The following CCDC33 variants were observed in gnomAD, a reference collection of about 807,000 sequenced individuals.
CCDC33 encodes the protein coiled-coil domain containing 33, also known as coiled-coil domain-containing protein 33.
CCDC33 carries 94 observed loss-of-function variants against 91.9 expected under a neutral mutation model. The observed-to-expected ratio is 1.02, with a 90% CI of 0.87 to 1.21. CCDC33 has a LOEUF of 1.21. Ranked by LOEUF, CCDC33 falls within the 50% of genes most tolerant of loss-of-function variation. The probability of loss-of-function intolerance (pLI) is 0.00; values close to 1 mark genes in which losing one functional copy is unlikely to be tolerated. For synonymous variants in CCDC33, 396 were observed against 374.5 expected, an observed-to-expected ratio of 1.06 and a Z score of -0.66; for missense variants, 940 against 935.5, an observed-to-expected ratio of 1.00 and a Z score of -0.06.
At chr15:74,208,025 C>T in intron 1 of CCDC33, 1 of 1,367,616 alleles carries the variant, frequency 7.3e-7, no homozygotes, top group East Asian at 2.9e-5. Context: ...AATTCTCATG[C>T]CCCCCTCACC....
At chr15:74,208,651 T>A (rs1212143196) in intron 1 of CCDC33, 13 of 952,074 alleles carry the variant, frequency 1.4e-5, no homozygotes, top group Middle Eastern at 5.3e-4. Context: ...AACTTACTCA[T>A]CAGAATTGCT....
At chr15:74,223,774 G>GCGCA (rs2074693980) in intron 2 of CCDC33, among the ~76,000 whole-genome samples, 1 of 145,506 alleles carries the variant, frequency 6.9e-6, no homozygotes, top group Non-Finnish European at 1.5e-5. Context: ...ACGCAAGCAT[G>GCGCA]CACACACACA....
At chr15:74,203,820 G>A (rs757028324) in intron 1 of CCDC33, among the ~76,000 whole-genome samples, 4 of 152,102 alleles carry the variant, frequency 2.6e-5, no homozygotes, top group Non-Finnish European at 5.9e-5. Flanking sequence ...GGGGATGGGG[G>A]GAGATTCCTG....
At chr15:74,279,021 CTT>C (rs1167716919) in intron 7 of CCDC33, among the ~76,000 whole-genome samples, 1 of 152,198 alleles carries the variant, frequency 6.6e-6, no homozygotes, top group African/African-American at 2.4e-5. Flanking sequence ...TCATGTCTAA[CTT>C]GGCATCTGTG....
chr15:74,211,163 A>G (rs868260315), intron 2 of CCDC33, among the ~76,000 whole-genome samples: 5 of 151,146 alleles, frequency 3.3e-5, no homozygotes, highest in Non-Finnish European at 5.9e-5. Flanking sequence ...GCACACACAC[A>G]CACACACACA....
At chr15:74,254,240 T>C (rs2075794715) in intron 2 of CCDC33, among the ~76,000 whole-genome samples, 1 of 151,974 alleles carries the variant, frequency 6.6e-6, no homozygotes, top group African/African-American at 2.4e-5. Context: ...ACCATGTTTG[T>C]CAGGCTGGTC....
intron 7 of CCDC33, among the ~76,000 whole-genome samples, chr15:74,274,203 G>C (rs1425145833): frequency 6.6e-6 from 1 of 152,256 alleles, no homozygotes; most frequent in African/African-American, 2.4e-5. Context: ...GTGAGGTGGA[G>C]ACAGGCAGGC....
At chr15:74,236,974 A>G (rs972720587) in intron 1 of CCDC33, among the ~76,000 whole-genome samples, 1 of 152,138 alleles carries the variant, frequency 6.6e-6, no homozygotes, top group African/African-American at 2.4e-5. Context: ...GGTGTTGTCA[A>G]TGCTGACCAC....
chr15:74,208,728 C>T, intron 1 of CCDC33: 1 of 988,110 alleles, frequency 1.0e-6, no homozygotes, highest in Non-Finnish European at 1.2e-6. Context: ...CACCGCACAC[C>T]CCATGTGCCT....
At chr15:74,318,477 C>T (rs908946822) in intron 11 of CCDC33, 2 of 575,836 alleles carry the variant, frequency 3.5e-6, no homozygotes, top group Non-Finnish European at 6.2e-6. Flanking sequence ...GGAAGTGGCC[C>T]CATGGGCCTG....
intron 1 of CCDC33, among the ~76,000 whole-genome samples, chr15:74,237,955 C>T (rs2075225899): frequency 6.6e-6 from 1 of 152,054 alleles, no homozygotes; most frequent in African/African-American, 2.4e-5. Flanking sequence ...TGGTGAAACC[C>T]CATCTCTACT....
chr15:74,243,584 A>G lies in CCDC33; in HGVS notation c.22-401A>G. The stretch of plus-strand genomic sequence containing the variant: ...CTTGCAGAGTGGGCGGAAGGGTGAC[A>G]GAGGGAGGCAGGCACTTGACGGAAG... On this transcript the variant is annotated intron_variant, in intron 1 of 18. Coordinates refer to ENST00000398814, the MANE Select transcript of CCDC33 (RefSeq NM_025055.5). 8.8e-6 allele frequency: 4 copies of G among 454,490 alleles called. 1 individual carries two copies. The highest frequency in any genetic ancestry group is 4.7e-5 in the South Asian group (3 of 64,328). 28.2% of individuals were successfully genotyped at this position (454,490 alleles called of 1,614,324 possible).
intron 10 of CCDC33, among the ~76,000 whole-genome samples, chr15:74,288,642 C>T (rs756907828): frequency 4.6e-5 from 7 of 152,172 alleles, no homozygotes; most frequent in Admixed American, 2.6e-4. Flanking sequence ...GGTTTCTCTC[C>T]CCTGTGGTAT....
chr15:74,292,519 CA>C (rs1379412366), intron 10 of CCDC33, among the ~76,000 whole-genome samples: 2 of 152,208 alleles, frequency 1.3e-5, no homozygotes, highest in Non-Finnish European at 2.9e-5. Context: ...CCTCACATGA[CA>C]AAAGCAACTC....
At chr15:74,335,510 A>G (rs2060547376) in intron 18 of CCDC33, 2 of 390,074 alleles carry the variant, frequency 5.1e-6, no homozygotes, top group South Asian at 7.4e-5. Context: ...GCCACGATGT[A>G]GGCTCCACTT....
chr15:74,269,887 G>A (rs1263548237), intron 5 of CCDC33, among the ~76,000 whole-genome samples: 1 of 152,164 alleles, frequency 6.6e-6, no homozygotes, highest in African/African-American at 2.4e-5. Flanking sequence ...GTGTACTTGG[G>A]CAGCTGTCTC....
chr15:74,208,102 G>C (rs1428659791), intron 1 of CCDC33: 1 of 1,135,656 alleles, frequency 8.8e-7, no homozygotes, highest in African/African-American at 1.6e-5. Context: ...ACACTGGTGA[G>C]GAGGAGGAGG....
chr15:74,280,097 G>C lies in CCDC33; in HGVS notation c.889+5G>C. 2 of 1,613,826 alleles carry C rather than the reference G, an allele frequency of 1.2e-6. No individual in the cohort carries two copies. The highest frequency in any genetic ancestry group is 1.1e-5 in the South Asian group (1 of 91,068). On this transcript the variant is annotated splice_donor_5th_base_variant and intron_variant, in intron 8 of 18. Transcript: ENST00000398814. ...AGTACTACTCCTCAACTTCAAGTAC[G>C]TGACCCCTGGTGCCTCGCCAGGGCA...
At chr15:74,241,969 G>A (rs550305058) in intron 1 of CCDC33, among the ~76,000 whole-genome samples, 3 of 152,352 alleles carry the variant, frequency 2.0e-5, no homozygotes, top group Admixed American at 6.5e-5. Flanking sequence ...TCCAGAGTTC[G>A]TTAGCTTTGA....
Sources: gnomAD v4.1 joint callset for allele counts (sites outside exome capture counted in the v4.1 genomes callset) on GRCh38, gnomAD v4.1.1 for gene constraint, MANE v1.5 for transcripts, NCBI Gene and HGNC (gene_info 2026-07-23, HGNC 2026-07-21) for gene names.